SLC9A8: variants seen among roughly 807,000 people sequenced by gnomAD.
SLC9A8 encodes the protein solute carrier family 9 member A8, also known as sodium/hydrogen exchanger 8.
Under a neutral mutation model 66.6 loss-of-function variants are expected in SLC9A8, and 48 were observed. That is an observed-to-expected ratio of 0.72 (90% CI 0.57 to 0.92). SLC9A8 has a LOEUF of 0.92. Ranked by LOEUF, SLC9A8 falls within the 40% of genes least tolerant of loss-of-function variation. SLC9A8 has a pLI of 0.00. For missense variants in SLC9A8, 599 were observed against 747.3 expected (o/e 0.80, Z 2.31); for synonymous variants, 274 against 282.6 (o/e 0.97, Z 0.31).
At chr20:49,887,063 C>A (rs1377017916) in intron 15 of SLC9A8, among the ~76,000 whole-genome samples, 165 bp downstream of exon 15, 1 of 152,226 alleles carries the variant, frequency 6.6e-6, no homozygotes, top group East Asian at 1.9e-4. Flanking sequence ...GCTTGTGGAA[C>A]TCGGCATCTG....
chr20:49,847,994 C>T (rs1354903414), intron 5 of SLC9A8, among the ~76,000 whole-genome samples: 7 of 145,442 alleles, frequency 4.8e-5, no homozygotes, highest in East Asian at 2.1e-4. Context: ...ACTGCGAACT[C>T]GGCTCACTGC....
At chr20:49,813,428 G>T (rs1485748677) in intron 1 of SLC9A8, among the ~76,000 whole-genome samples, 1 of 152,316 alleles carries the variant, frequency 6.6e-6, no homozygotes, top group African/African-American at 2.4e-5. Context: ...CAGGTGGTAG[G>T]AAAGGAGGCC....
At chr20:49,876,616 CTG>C (rs1244072155) in intron 11 of SLC9A8, among the ~76,000 whole-genome samples, 1 of 152,134 alleles carries the variant, frequency 6.6e-6, no homozygotes, top group Non-Finnish European at 1.5e-5. Context: ...GACAGAAAAA[CTG>C]TCAAATTTCT....
At chr20:49,827,427 AC>A (rs1179527195) in intron 3 of SLC9A8, among the ~76,000 whole-genome samples, 1 of 150,318 alleles carries the variant, frequency 6.7e-6, no homozygotes, top group South Asian at 2.1e-4. Context: ...ACATGGCGAA[AC>A]CCCATCTCTA....
intron 12 of SLC9A8, among the ~76,000 whole-genome samples, chr20:49,879,877 A>G (rs1367349751): frequency 2.0e-5 from 3 of 152,206 alleles, no homozygotes; most frequent in African/African-American, 2.4e-5. Context: ...GTACATGTCT[A>G]TATCATCCTT....
chr20:49,844,852 ATT>A (rs375815138), intron 4 of SLC9A8, among the ~76,000 whole-genome samples, 182 bp from the exon 5 acceptor site: 1 of 143,482 alleles, frequency 7.0e-6, no homozygotes, highest in African/African-American at 2.5e-5. Context: ...ATACAGTTTC[ATT>A]TTTTTTTTTG....
In SLC9A8 at chr20:49,855,474, A is replaced by G. The variant is rs769209773; in HGVS notation, c.606A>G (p.Pro202=). 3 of 1,614,040 alleles carry G rather than the reference A, an allele frequency of 1.9e-6. No homozygotes were observed. Among genetic ancestry groups the G allele is most frequent in the South Asian group, 2.2e-5 (2 of 91,082 alleles). Residue 202 remains proline (P), a synonymous_variant, in exon 8 of 16, where the codon CCA becomes CCG. Transcript: ENST00000361573. ...AFGSLISAVD[P]VATIAIFNAL... ...GCTCCCTAATATCTGCTGTCGATCC[A>G]GTGGCCACTATTGCCATTTTCAATG...
At chr20:49,841,311 T>TA (rs535960944) in intron 4 of SLC9A8, among the ~76,000 whole-genome samples, 28,211 of 123,972 alleles carry the variant, frequency 0.23, 2,953 homozygotes, top group African/African-American at 0.27. Context: ...ACCCTGTCTC[T>TA]AAAAAAAAAA....
chr20:49,863,615 G>T lies in SLC9A8; in HGVS notation c.852+548G>T, dbSNP rs75121370. 7.0e-3 allele frequency among the ~76,000 whole-genome samples: 1,070 copies of T among 152,332 alleles called. 9 individuals carry two copies. Among genetic ancestry groups the T allele is most frequent in the African/African-American group, 0.021 (888 of 41,582 alleles). On this transcript the variant is annotated intron_variant, in intron 9 of 15. Coordinates refer to ENST00000361573, the MANE Select transcript of SLC9A8 (RefSeq NM_015266.3). ...AGAAAATTTTTATCCCACTGAAAGT[G>T]TTTATCCAGAAGGATTGCAAAAGGG...
chr20:49,870,975 C>A (rs1300373529), intron 10 of SLC9A8, among the ~76,000 whole-genome samples: 1 of 152,194 alleles, frequency 6.6e-6, no homozygotes, highest in Admixed American at 6.5e-5. Flanking sequence ...CCTGGGATTA[C>A]AAGTGTGAGC....
At position 49,891,883 on chromosome 20, in the gene SLC9A8, T is replaced by C. The variant is rs1252985663; in HGVS notation, c.*3947T>C. The C allele has an allele frequency of 6.6e-6, 1 of 152,290 alleles. No individual in the cohort carries two copies. Among genetic ancestry groups the C allele is most frequent in the African/African-American group, 2.4e-5 (1 of 41,472 alleles). 9.4% of individuals were successfully genotyped at this position (152,290 alleles called of 1,614,324 possible). ...GTCCTCAAAATGACGAAGCTTGAATTGTCCTCAAGATGGATGTGAATCTTA... is the reference window on the plus strand; with the variant it reads ...GTCCTCAAAATGACGAAGCTTGAATCGTCCTCAAGATGGATGTGAATCTTA... On this transcript the variant is annotated 3_prime_UTR_variant, in exon 16 of 16. Coordinates refer to ENST00000361573, the MANE Select transcript of SLC9A8 (RefSeq NM_015266.3).
At chr20:49,875,274 T>TAAA (rs33958043) in intron 11 of SLC9A8, among the ~76,000 whole-genome samples, 2 of 123,278 alleles carry the variant, frequency 1.6e-5, no homozygotes, top group African/African-American at 6.1e-5. Flanking sequence ...GCTATGATCT[T>TAAA]AAAAAAAAAA....
At chr20:49,829,230 C>G (rs2087059877) in intron 3 of SLC9A8, 1 of 152,270 alleles carries the variant, frequency 6.6e-6, no homozygotes. Context: ...CTTGAAGAAA[C>G]CTCATGGGGC....
chr20:49,873,943 A>G (rs1171056174), intron 10 of SLC9A8, among the ~76,000 whole-genome samples: 1 of 151,864 alleles, frequency 6.6e-6, no homozygotes, highest in African/African-American at 2.4e-5. Context: ...TAGGTGCTCA[A>G]GTTCCTTATA....
rs1197159677 is a variant in SLC9A8 at position 49,845,109 on chromosome 20, C to A, written c.422C>A (p.Ser141Ter). The change falls in exon 5 of 16, where the codon TCA becomes TAA. Residue 141 changes from serine to a stop codon, truncating the protein, a stop_gained. Coordinates refer to ENST00000361573, the MANE Select transcript of SLC9A8 (RefSeq NM_015266.3). LOFTEE classifies it high-confidence loss of function. ...LPPIIFESGY[S>*]LHKGNFFQNI... The stretch of plus-strand genomic sequence containing the variant: ...CCTATTATCTTTGAGTCTGGATATT[C>A]ATTACACAAGGTGAGACTCAGGCAC... 5 of 1,610,680 alleles carry A rather than the reference C, an allele frequency of 3.1e-6. No individual in the cohort carries two copies. The highest frequency in any genetic ancestry group is 1.7e-6 in the Non-Finnish European group (2 of 1,176,984).
chr20:49,874,091 A>G (rs935492796), intron 10 of SLC9A8, among the ~76,000 whole-genome samples: 2 of 152,102 alleles, frequency 1.3e-5, no homozygotes, highest in Admixed American at 1.3e-4. Context: ...CTCTACTAAA[A>G]ATACAAAAAA....
At chr20:49,880,824 T>TA in intron 12 of SLC9A8, 100 bp from the exon 13 acceptor site, 1 of 785,392 alleles carries the variant, frequency 1.3e-6, no homozygotes, top group Non-Finnish European at 2.2e-6. Flanking sequence ...ACTGCATTTG[T>TA]ACTGGATGTG....
intron 1 of SLC9A8, 132 bp from the exon 2 acceptor site, chr20:49,814,876 C>T (rs748139287): frequency 3.8e-5 from 24 of 631,446 alleles, no homozygotes; most frequent in Non-Finnish European, 5.2e-5. Flanking sequence ...AAGTTTCTCT[C>T]GAAGGCCTGC....
At chr20:49,840,029 T>C (rs1372844416) in intron 4 of SLC9A8, among the ~76,000 whole-genome samples, 5 of 152,190 alleles carry the variant, frequency 3.3e-5, no homozygotes, top group African/African-American at 7.2e-5. Flanking sequence ...ATGACAGTCA[T>C]GTGAGGTGGA....
Sources: allele counts gnomAD v4.1 joint callset (sites outside exome capture counted in the v4.1 genomes callset), GRCh38; gene constraint gnomAD v4.1.1; transcripts MANE v1.5; gene names NCBI Gene and HGNC (gene_info 2026-07-23, HGNC 2026-07-21).